Variants in DNAJB1 observed in about 807,000 individuals in gnomAD.
DNAJB1 encodes the protein DnaJ heat shock protein family (Hsp40) member B1.
A neutral mutation model predicts 24.0 loss-of-function variants in DNAJB1; 14 were observed. The observed-to-expected ratio is 0.58, with a 90% CI of 0.39 to 0.91. The LOEUF (loss-of-function observed/expected upper bound fraction) is 0.91, where lower values mean the gene tolerates loss of function less well. DNAJB1 is among the 40% of genes least tolerant of loss of function. DNAJB1 has a pLI of 0.00. For missense variants in DNAJB1, 517 were observed against 458.1 expected, an observed-to-expected ratio of 1.13 and a Z score of -1.17; for synonymous variants, 262 against 174.4, an observed-to-expected ratio of 1.50 and a Z score of -3.96.
intron 1 of DNAJB1, among the ~76,000 whole-genome samples, chr19:14,558,035 G>T (rs960535286): frequency 6.6e-6 from 1 of 151,862 alleles, no homozygotes; most frequent in African/African-American, 2.4e-5. Context: ...CATTACAGGC[G>T]TGAGCCACCA....
At chr19:14,539,140 A>ATTTTTTTTTTTTTTTTTTTTTTT in intron 1 of DNAJB1, among the ~76,000 whole-genome samples, 1 of 92,532 alleles carries the variant, frequency 1.1e-5, no homozygotes, top group Non-Finnish European at 2.0e-5. Flanking sequence ...CGCCCGGCTA[A>ATTTTTTTTTTTTTTTTTTTTTTT]TTTTTTTTTT....
At chr19:14,521,447 A>G (rs919951258), upstream of DNAJB1, among the ~76,000 whole-genome samples, 1 of 131,978 alleles carries the variant, frequency 7.6e-6, no homozygotes, top group Non-Finnish European at 1.6e-5. Context: ...TGACAGAGTG[A>G]GAGTTTCAAA....
At chr19:14,544,974 C>T in intron 1 of DNAJB1, 1 of 399,444 alleles carries the variant, frequency 2.5e-6, no homozygotes, top group Admixed American at 2.8e-5. Flanking sequence ...AATCTAGGAA[C>T]TGCGGTGTCC....
intron 1 of DNAJB1, among the ~76,000 whole-genome samples, chr19:14,541,973 C>T (rs1379904475): frequency 1.3e-5 from 2 of 151,886 alleles, no homozygotes; most frequent in African/African-American, 2.4e-5. Flanking sequence ...TGTAGTAGAC[C>T]GGGTTTCACA....
At chr19:14,542,581 C>T (rs1011673471) in intron 1 of DNAJB1, among the ~76,000 whole-genome samples, 4 of 142,296 alleles carry the variant, frequency 2.8e-5, no homozygotes, top group Non-Finnish European at 6.2e-5. Context: ...AGGGTGGTCT[C>T]GAACTCCTGA....
intron 1 of DNAJB1, 93 bp downstream of exon 1, chr19:14,518,046 G>T: frequency 2.3e-6 from 3 of 1,302,468 alleles, no homozygotes; most frequent in Non-Finnish European, 3.0e-6. Context: ...GGCCCGGGGC[G>T]TCCTTCCCGG....
At chr19:14,516,344 T>A in intron 2 of DNAJB1, 122 bp downstream of exon 2, 1 of 1,287,770 alleles carries the variant, frequency 7.8e-7, no homozygotes, top group African/African-American at 1.5e-5. Context: ...TCAGTCCTGT[T>A]CACTGTTGTG....
intron 1 of DNAJB1, among the ~76,000 whole-genome samples, chr19:14,556,680 A>T (rs947325932): frequency 1.3e-5 from 2 of 152,128 alleles, no homozygotes; most frequent in African/African-American, 4.8e-5. Flanking sequence ...AGGCTCCCTG[A>T]GCTCTCTTGG....
At chr19:14,547,118 A>T (rs79553685) in intron 1 of DNAJB1, among the ~76,000 whole-genome samples, 32,599 of 151,962 alleles carry the variant, frequency 0.21, 5,013 homozygotes, top group African/African-American at 0.44. Flanking sequence ...AAGCAAAAAG[A>T]GAGCCAATGT....
intron 1 of DNAJB1, among the ~76,000 whole-genome samples, chr19:14,556,898 G>GC (rs964652460): frequency 1.3e-5 from 2 of 152,082 alleles, no homozygotes; most frequent in African/African-American, 4.8e-5. Flanking sequence ...GGTCAGCTCG[G>GC]CCTCTGCACC....
chr19:14,534,757 A>T (rs1220080168), upstream of DNAJB1, among the ~76,000 whole-genome samples: 1 of 151,988 alleles, frequency 6.6e-6, no homozygotes, highest in Non-Finnish European at 1.5e-5. Flanking sequence ...TCTTATTAGC[A>T]CCTGATCAGA....
intron 1 of DNAJB1, among the ~76,000 whole-genome samples, chr19:14,528,246 TTTTTTC>T (rs1354762344): frequency 4.9e-5 from 7 of 144,086 alleles, no homozygotes; most frequent in South Asian, 2.2e-4. Context: ...TTTCTTTTTC[TTTTTTC>T]TTTTTTTTTT....
intron 1 of DNAJB1, among the ~76,000 whole-genome samples, chr19:14,547,128 T>G (rs898854444): frequency 2.0e-5 from 3 of 152,176 alleles, no homozygotes; most frequent in African/African-American, 7.2e-5. Flanking sequence ...AGAGCCAATG[T>G]TAAAGAGCTT....
chr19:14,522,323 A>G (rs995230516), upstream of DNAJB1, among the ~76,000 whole-genome samples: 2 of 151,854 alleles, frequency 1.3e-5, no homozygotes, highest in African/African-American at 4.8e-5. Context: ...AGAGACTTTA[A>G]AAAGCCAACA....
chr19:14,522,683 G>GACACACAGACACACACACACACAC (rs751484199), upstream of DNAJB1, among the ~76,000 whole-genome samples: 9 of 117,864 alleles, frequency 7.6e-5, no homozygotes, highest in African/African-American at 1.8e-4. Context: ...CACACACACA[G>GACACACAGACACACACACACACAC]ACACACACAC....
At chr19:14,545,808 G>A (rs1452494681) in intron 1 of DNAJB1, 2 of 152,966 alleles carry the variant, frequency 1.3e-5, no homozygotes, top group African/African-American at 4.8e-5. Context: ...AAGGGCTGCG[G>A]CTTGGGAAAG....
Position 14,537,033 on chromosome 19 carries a change from G to A in DNAJB1, c.-213-9223C>T, listed in dbSNP as rs183336869. 9.5e-3 allele frequency among the ~76,000 whole-genome samples: 1,392 copies of A among 146,768 alleles called. 16 individuals carry two copies. Among genetic ancestry groups the A allele is most frequent in the Admixed American group, 0.014 (209 of 14,440 alleles). On this transcript the variant is annotated intron_variant, in intron 1 of 3. Coordinates refer to the DNAJB1 transcript ENST00000676982. Reference sequence around the variant, plus strand: ...AGGACGGGGAGGGGTGTCGAGGAGGGGGAGGCGGGTCCCAAGGAGTAGGAG... The same window carrying A: ...AGGACGGGGAGGGGTGTCGAGGAGGAGGAGGCGGGTCCCAAGGAGTAGGAG...
chr19:14,535,271 G>C (rs1234338893), intron 1 of DNAJB1, among the ~76,000 whole-genome samples: 2 of 151,640 alleles, frequency 1.3e-5, no homozygotes, highest in Non-Finnish European at 2.9e-5. Flanking sequence ...ACTTTGGGAG[G>C]CCGAGGTGGG....
upstream of DNAJB1, chr19:14,533,946 C>T (rs925048493): frequency 1.3e-5 from 2 of 152,020 alleles, no homozygotes; most frequent in African/African-American, 4.8e-5. Flanking sequence ...AGACTCAAAG[C>T]AATGAGCCCA....
Sources: allele counts gnomAD v4.1 joint callset (sites outside exome capture counted in the v4.1 genomes callset), GRCh38; gene constraint gnomAD v4.1.1; transcripts MANE v1.5; gene names NCBI Gene and HGNC (gene_info 2026-07-23, HGNC 2026-07-21).